Variants in CEP128 observed in about 807,000 individuals in gnomAD.
The protein encoded by CEP128 is centrosomal protein 128kDa.
CEP128 carries 132 observed loss-of-function variants against 156.7 expected under a neutral mutation model. The ratio of observed to expected loss-of-function variants is 0.84; its 90% CI spans 0.73 to 0.97. The LOEUF is 0.97. Among genes scored for constraint, CEP128 ranks in the 50% least tolerant of loss-of-function variants. The pLI is 0.00. For missense variants in CEP128, 1,252 were observed against 1,281.9 expected (o/e 0.98, Z 0.36); for synonymous variants, 469 against 448.9 (o/e 1.04, Z -0.57).
chr14:80,936,778 G>C (rs952439278), intron 2 of CEP128, among the ~76,000 whole-genome samples: 1 of 151,980 alleles, frequency 6.6e-6, no homozygotes, highest in African/African-American at 2.4e-5. Context: ...CCTAACAAAT[G>C]TTATTTGTTA....
chr14:80,899,613 G>C (rs28455637), intron 7 of CEP128, among the ~76,000 whole-genome samples: 24,821 of 152,128 alleles, frequency 0.16, 3,880 homozygotes, highest in African/African-American at 0.41. Context: ...AGTCAGTCAG[G>C]TAGCGAGTCG....
chr14:80,648,552 A>G (rs546603744), intron 19 of CEP128, among the ~76,000 whole-genome samples: 9 of 152,236 alleles, frequency 5.9e-5, no homozygotes, highest in African/African-American at 2.2e-4. Flanking sequence ...AAAGGAGAAC[A>G]TAAGATGGGC....
intron 9 of CEP128, among the ~76,000 whole-genome samples, chr14:80,853,902 T>C (rs1205623728): frequency 6.6e-6 from 1 of 151,942 alleles, no homozygotes; most frequent in African/African-American, 2.4e-5. Flanking sequence ...CCAATTTTTA[T>C]TCAAAAATGA....
intron 19 of CEP128, among the ~76,000 whole-genome samples, chr14:80,649,325 A>G (rs1894793648): frequency 6.6e-6 from 1 of 152,110 alleles, no homozygotes; most frequent in African/African-American, 2.4e-5. Context: ...GTCGCTCACA[A>G]TCTCACTTGT....
At chr14:80,902,343 G>A (rs1883621687) in intron 6 of CEP128, among the ~76,000 whole-genome samples, 1 of 152,168 alleles carries the variant, frequency 6.6e-6, no homozygotes, top group African/African-American at 2.4e-5. Flanking sequence ...ATTGTTCTCT[G>A]TTCTGGGCTT....
chr14:80,542,169 C>T (rs1889793611), intron 21 of CEP128, among the ~76,000 whole-genome samples: 1 of 152,162 alleles, frequency 6.6e-6, no homozygotes, highest in East Asian at 1.9e-4. Flanking sequence ...ACCTCCCATC[C>T]TGTGTGTAAT....
At chr14:80,776,025 G>C (rs1184156139) in intron 16 of CEP128, among the ~76,000 whole-genome samples, 1 of 152,016 alleles carries the variant, frequency 6.6e-6, no homozygotes, top group Non-Finnish European at 1.5e-5. Context: ...GCAGAGACAG[G>C]GCTTCACCAC....
At chr14:80,718,234 T>C (rs1897682712) in intron 19 of CEP128, among the ~76,000 whole-genome samples, 1 of 152,190 alleles carries the variant, frequency 6.6e-6, no homozygotes, top group African/African-American at 2.4e-5. Context: ...TCTGTATAAA[T>C]TATCAATGTC....
chr14:80,695,144 G>A (rs1447953295), intron 19 of CEP128, among the ~76,000 whole-genome samples: 1 of 151,734 alleles, frequency 6.6e-6, no homozygotes, highest in East Asian at 1.9e-4. Flanking sequence ...GATTGCATTT[G>A]TGCCTATGAA....
intron 4 of CEP128, among the ~76,000 whole-genome samples, chr14:80,912,373 A>G (rs1884288469): frequency 6.6e-6 from 1 of 152,204 alleles, no homozygotes; most frequent in Non-Finnish European, 1.5e-5. Flanking sequence ...TTGGGTATAC[A>G]TAATTTAATT....
At chr14:80,700,471 G>T (rs1897037167) in intron 19 of CEP128, among the ~76,000 whole-genome samples, 1 of 151,984 alleles carries the variant, frequency 6.6e-6, no homozygotes, top group Non-Finnish European at 1.5e-5. Flanking sequence ...GGAAAGGGGG[G>T]ATGGTAGAAA....
At chr14:80,842,004 A>G (rs965768237) in intron 9 of CEP128, among the ~76,000 whole-genome samples, 7 of 152,070 alleles carry the variant, frequency 4.6e-5, no homozygotes, top group Non-Finnish European at 7.4e-5. Context: ...GTTGAATAAA[A>G]GAAACTCTAA....
chr14:80,538,981 TC>T (rs1308690317), intron 21 of CEP128, among the ~76,000 whole-genome samples: 2 of 152,180 alleles, frequency 1.3e-5, no homozygotes, highest in African/African-American at 4.8e-5. Context: ...GGAATATATG[TC>T]CCCAGCATTC....
At chr14:80,896,865 G>C (rs748365753) in intron 7 of CEP128, among the ~76,000 whole-genome samples, 28 of 152,102 alleles carry the variant, frequency 1.8e-4, no homozygotes, top group Non-Finnish European at 3.5e-4. Context: ...CTAATTTAGA[G>C]TGAATACTTC....
chr14:80,501,732 C>T (rs1887744679), intron 24 of CEP128, among the ~76,000 whole-genome samples: 1 of 151,922 alleles, frequency 6.6e-6, no homozygotes, highest in South Asian at 2.1e-4. Context: ...TCTCGATCTC[C>T]AGACCTCGCG....
In CEP128 at chr14:80,679,531, C is replaced by T. The variant is rs533637274; in HGVS notation, c.2806+63544G>A. On this transcript the variant is annotated intron_variant, in intron 19 of 24. Transcript: ENST00000555265. ...AGGCTTACTAGGGTGGGGAAAAATC[C>T]CACCCTGGAGAATTTGAGGTCAGAC... Among the ~76,000 whole-genome samples, 467 of 152,196 alleles carry T rather than the reference C, an allele frequency of 3.1e-3. 3 individuals carry two copies. The highest frequency in any genetic ancestry group is 5.3e-3 in the Non-Finnish European group (361 of 67,992).
At chr14:80,857,755 ACAAC>A (rs1887269282) in intron 9 of CEP128, among the ~76,000 whole-genome samples, 5 of 147,490 alleles carry the variant, frequency 3.4e-5, no homozygotes, top group Non-Finnish European at 6.1e-5. Flanking sequence ...AACAACAACA[ACAAC>A]AACAACAACA....
chr14:80,612,021 GCACTC>G (rs1275950537), intron 19 of CEP128, among the ~76,000 whole-genome samples: 4 of 152,130 alleles, frequency 2.6e-5, no homozygotes, highest in African/African-American at 9.7e-5. Context: ...TCACGCCACT[GCACTC>G]CAGCCTGAGT....
chr14:80,942,888 C>T (rs1886225940), upstream of CEP128, among the ~76,000 whole-genome samples: 1 of 151,948 alleles, frequency 6.6e-6, no homozygotes, highest in African/African-American at 2.4e-5. Flanking sequence ...TTGATATAGT[C>T]GTATTATTCA....
Sources: gnomAD v4.1 joint callset for allele counts (sites outside exome capture counted in the v4.1 genomes callset) on GRCh38, gnomAD v4.1.1 for gene constraint, MANE v1.5 for transcripts, NCBI Gene and HGNC (gene_info 2026-07-23, HGNC 2026-07-21) for gene names.